FRMD4A: variants seen among roughly 807,000 people sequenced by gnomAD.
The protein encoded by FRMD4A is FERM domain containing 4A, also known as FERM domain-containing protein 4A.
FRMD4A carries 29 observed loss-of-function variants against 129.1 expected under a neutral mutation model. The ratio of observed to expected loss-of-function variants is 0.22; its 90% CI spans 0.17 to 0.31. FRMD4A has a LOEUF of 0.31. Among genes scored for constraint, FRMD4A ranks in the 10% least tolerant of loss-of-function variants. The pLI is 1.00. For synonymous variants in FRMD4A, 634 were observed against 571.6 expected (o/e 1.11, Z -1.56); for missense variants, 1,272 against 1,375.8 (o/e 0.92, Z 1.19).
intron 2 of FRMD4A, among the ~76,000 whole-genome samples, chr10:14,034,892 G>A (rs1341695694): frequency 6.6e-6 from 1 of 152,212 alleles, no homozygotes. Context: ...GGGAGGACAT[G>A]CCCAATAATG....
chr10:14,035,117 T>G (rs1207495424), intron 2 of FRMD4A, among the ~76,000 whole-genome samples: 1 of 152,046 alleles, frequency 6.6e-6, no homozygotes, highest in African/African-American at 2.4e-5. Flanking sequence ...CGTTAGGGAA[T>G]TAAAAACAAA....
rs183826216 is a variant in FRMD4A, at chr10:13,815,451, A to C, written c.112-4543T>G. Among the ~76,000 whole-genome samples, 745 of 152,334 alleles carry C rather than the reference A, an allele frequency of 4.9e-3. 5 individuals carry two copies. Among genetic ancestry groups the C allele is most frequent in the Non-Finnish European group, 7.0e-3 (476 of 68,028 alleles). On this transcript the variant is annotated intron_variant, in intron 3 of 24. Coordinates refer to ENST00000357447, the MANE Select transcript of FRMD4A (RefSeq NM_018027.5). ...GGTTACAGCATTTCTGTACTGGATG[A>C]TGAAAAAGTGTTGGAAATATTAGTG...
Position 14,084,287 on chromosome 10 carries a change from C to T in FRMD4A, c.46-225375G>A, listed in dbSNP as rs192161470. ...TCAGCCTCCTGAGTAGCTGGGATTA[C>T]AGGCATGCGCCACCATGCCTGGCTA... On this transcript the variant is annotated intron_variant, in intron 2 of 24. Coordinates refer to ENST00000357447, the MANE Select transcript of FRMD4A (RefSeq NM_018027.5). 4.9e-3 allele frequency among the ~76,000 whole-genome samples: 745 copies of T among 151,532 alleles called. 7 individuals are homozygous for T. The highest frequency in any genetic ancestry group is 0.017 in the African/African-American group (705 of 41,284).
chr10:14,183,934 T>C (rs1448453696), intron 2 of FRMD4A, among the ~76,000 whole-genome samples: 1 of 152,052 alleles, frequency 6.6e-6, no homozygotes, highest in Non-Finnish European at 1.5e-5. Context: ...ATAGTAATCA[T>C]AAGAACAAAG....
chr10:13,898,308 G>C (rs778002969), intron 2 of FRMD4A, among the ~76,000 whole-genome samples: 1 of 152,134 alleles, frequency 6.6e-6, no homozygotes, highest in Non-Finnish European at 1.5e-5. Context: ...GGAGGTTGCA[G>C]TGAGCTGAGA....
chr10:13,962,038 CGAATGAATGAAT>C (rs57314404), intron 2 of FRMD4A, among the ~76,000 whole-genome samples: 48 of 128,520 alleles, frequency 3.7e-4, no homozygotes, highest in East Asian at 3.5e-3. Flanking sequence ...CAAAAACACA[CGAATGAATGAAT>C]GAATGAATGA....
intron 2 of FRMD4A, among the ~76,000 whole-genome samples, chr10:13,999,037 C>T (rs1052420930): frequency 2.6e-5 from 4 of 152,038 alleles, no homozygotes; most frequent in African/African-American, 9.7e-5. Flanking sequence ...CACTCTGCTC[C>T]AGCTACCTGC....
intron 12 of FRMD4A, among the ~76,000 whole-genome samples, chr10:13,722,695 G>A (rs2089534938): frequency 6.6e-6 from 1 of 152,216 alleles, no homozygotes; most frequent in Non-Finnish European, 1.5e-5. Context: ...ATTTTATGAT[G>A]AGCAGTATCA....
At chr10:13,770,441 TTTTA>T (rs1210113762) in intron 6 of FRMD4A, among the ~76,000 whole-genome samples, 1 of 152,144 alleles carries the variant, frequency 6.6e-6, no homozygotes, top group African/African-American at 2.4e-5. Context: ...TAATTTTTAC[TTTTA>T]TTTATTTATT....
intron 2 of FRMD4A, among the ~76,000 whole-genome samples, chr10:14,311,719 A>C (rs563938094): frequency 4.0e-5 from 6 of 151,894 alleles, no homozygotes; most frequent in Non-Finnish European, 8.8e-5. Context: ...CTCCTGCCCC[A>C]CAAAATCAAG....
intron 2 of FRMD4A, among the ~76,000 whole-genome samples, chr10:13,948,811 C>T (rs530540713): frequency 9.9e-5 from 15 of 151,742 alleles, no homozygotes; most frequent in African/African-American, 3.4e-4. Context: ...ACCATCATAC[C>T]CAGCTAATTT....
chr10:14,185,972 C>T (rs1842131455), intron 2 of FRMD4A, among the ~76,000 whole-genome samples: 1 of 152,130 alleles, frequency 6.6e-6, no homozygotes, highest in South Asian at 2.1e-4. Context: ...AGGAAAAGCA[C>T]AAGGCCAGAG....
intron 2 of FRMD4A, among the ~76,000 whole-genome samples, chr10:14,015,405 C>G (rs1192025535): frequency 6.6e-6 from 1 of 150,884 alleles, no homozygotes; most frequent in South Asian, 2.1e-4. Context: ...CTCGCCTCCC[C>G]TCCTTCCCCT....
intron 3 of FRMD4A, among the ~76,000 whole-genome samples, chr10:13,837,385 G>A (rs1222034248): frequency 2.0e-5 from 3 of 152,168 alleles, no homozygotes; most frequent in African/African-American, 7.2e-5. Context: ...AGTCCTGATT[G>A]GGCCTCGAGT....
chr10:14,240,821 A>G (rs1270945198), intron 2 of FRMD4A, among the ~76,000 whole-genome samples: 2 of 152,048 alleles, frequency 1.3e-5, no homozygotes, highest in Non-Finnish European at 2.9e-5. Context: ...TTTCCAAACT[A>G]TGGTGTGTGG....
chr10:14,098,760 C>T (rs1588971472), intron 2 of FRMD4A, among the ~76,000 whole-genome samples: 1 of 152,296 alleles, frequency 6.6e-6, no homozygotes, highest in Middle Eastern at 3.4e-3. Context: ...TAGTGCCTCC[C>T]TAGCACCCAT....
chr10:14,078,660 G>C (rs1461314), intron 2 of FRMD4A, among the ~76,000 whole-genome samples: 45,036 of 152,088 alleles, frequency 0.3, 6,981 homozygotes, highest in East Asian at 0.39. Context: ...TTAGGTCATG[G>C]TGGGGGGTAT....
At chr10:13,795,577 T>C (rs2093097874) in intron 5 of FRMD4A, among the ~76,000 whole-genome samples, 1 of 152,218 alleles carries the variant, frequency 6.6e-6, no homozygotes. Flanking sequence ...CCTGAATTTC[T>C]GTTAGTATAT....
chr10:14,179,170 T>C (rs544178736), intron 2 of FRMD4A, among the ~76,000 whole-genome samples: 2 of 152,302 alleles, frequency 1.3e-5, no homozygotes, highest in South Asian at 4.1e-4. Flanking sequence ...TTTTTGAGGT[T>C]AATTTATTTA....
Sources: allele counts gnomAD v4.1 joint callset (sites outside exome capture counted in the v4.1 genomes callset), GRCh38; gene constraint gnomAD v4.1.1; transcripts MANE v1.5; gene names NCBI Gene and HGNC (gene_info 2026-07-23, HGNC 2026-07-21).